Variants in LDHC observed in about 807,000 individuals in gnomAD.
The protein encoded by LDHC is L-lactate dehydrogenase C chain.
LDHC carries 20 observed loss-of-function variants against 30.2 expected under a neutral mutation model. The observed-to-expected ratio is 0.66, with a 90% CI of 0.47 to 0.96. LDHC has a LOEUF of 0.96. Among genes scored for constraint, LDHC ranks in the 40% least tolerant of loss-of-function variants. The pLI is 0.00. For synonymous variants in LDHC, 139 were observed against 132.7 expected (o/e 1.05, Z -0.32); for missense variants, 362 against 394.9 (o/e 0.92, Z 0.71).
intron 7 of LDHC, 85 bp from the exon 8 acceptor site, chr11:18,450,878 C>T: frequency 1.0e-6 from 1 of 999,414 alleles, no homozygotes; most frequent in Non-Finnish European, 1.5e-6. Flanking sequence ...TTTAGTCTCT[C>T]CTGTATACTC....
chr11:18,419,430 G>A (rs1867080166), intron 3 of LDHC, among the ~76,000 whole-genome samples: 1 of 152,144 alleles, frequency 6.6e-6, no homozygotes, highest in Non-Finnish European at 1.5e-5. Flanking sequence ...ACTTTAGTGG[G>A]GGAATATACC....
chr11:18,415,820 ATAGC>A (rs1426722336), intron 3 of LDHC, among the ~76,000 whole-genome samples: 1 of 150,524 alleles, frequency 6.6e-6, no homozygotes, highest in Non-Finnish European at 1.5e-5. Flanking sequence ...AGTCTCCTGA[ATAGC>A]TGGGATTACA....
At chr11:18,433,491 G>C (rs908155143) in intron 4 of LDHC, among the ~76,000 whole-genome samples, 2 of 152,054 alleles carry the variant, frequency 1.3e-5, no homozygotes, top group Non-Finnish European at 2.9e-5. Flanking sequence ...GTGGTGGCTT[G>C]GTAATGGCAA....
chr11:18,420,674 A>T (rs1486204163), intron 3 of LDHC, among the ~76,000 whole-genome samples: 1 of 150,622 alleles, frequency 6.6e-6, no homozygotes, highest in African/African-American at 2.4e-5. Flanking sequence ...AAGGAGAGTG[A>T]ATGAAGGTGT....
At position 18,439,315 on chromosome 11, in the gene LDHC, C is replaced by A. The variant is rs186572892; in HGVS notation, c.710+670C>A. Among the ~76,000 whole-genome samples, 19 of 152,034 alleles carry A rather than the reference C, an allele frequency of 1.2e-4. No individual in the cohort carries two copies. The South Asian group carries it at 4.0e-3, about 32-fold the overall frequency. On this transcript the variant is annotated intron_variant, in intron 6 of 7. Transcript: ENST00000541669. The stretch of plus-strand genomic sequence containing the variant: ...GGGTGGCTCACGCCTGTAATTCCAG[C>A]GCTTTGGGAGGCCAAGGCGGGTGGA...
chr11:18,444,647 T>TATGC (rs1484876219), intron 6 of LDHC, among the ~76,000 whole-genome samples: 1 of 131,304 alleles, frequency 7.6e-6, no homozygotes, highest in Non-Finnish European at 1.6e-5. Flanking sequence ...TATATATATA[T>TATGC]ATGCCTTATC....
At chr11:18,420,415 G>C (rs1867099326) in intron 3 of LDHC, among the ~76,000 whole-genome samples, 1 of 152,080 alleles carries the variant, frequency 6.6e-6, no homozygotes, top group Non-Finnish European at 1.5e-5. Flanking sequence ...AATTGTCAGA[G>C]AGAACATAAA....
chr11:18,420,498 C>T (rs922085293), intron 3 of LDHC, among the ~76,000 whole-genome samples: 2 of 151,764 alleles, frequency 1.3e-5, no homozygotes, highest in Admixed American at 1.3e-4. Context: ...TTTTAATGTG[C>T]TGAGGGAGGA....
Position 18,415,269 on chromosome 11 carries a change from T to G in LDHC, c.212T>G (p.Phe71Cys), listed in dbSNP as rs1404637151. 11 of 1,591,954 alleles carry G rather than the reference T, an allele frequency of 6.9e-6. No individual in the cohort carries two copies. The highest frequency in any genetic ancestry group is 2.7e-5 in the African/African-American group (2 of 74,508). Residue 71 changes from phenylalanine (F) to cysteine (C), a missense_variant, in exon 3 of 8, where the codon TTC (phenylalanine) becomes TGC (cysteine). Transcript: ENST00000541669. ...EMMDLQHGSL[F>C]FSTSKITSGK... is the part of the protein sequence containing the mutation. ...ATGGATCTTCAGCATGGCAGTCTTT[T>G]CTTTAGTACTTCAAAGATTACTTCT... is the stretch of plus-strand genomic sequence containing the variant.
intron 4 of LDHC, among the ~76,000 whole-genome samples, chr11:18,430,884 T>C (rs568895173): frequency 2.0e-5 from 3 of 152,160 alleles, no homozygotes; most frequent in African/African-American, 7.2e-5. Flanking sequence ...ACCAAACAGG[T>C]TGGGCATTGT....
At chr11:18,424,727 G>T (rs975379908) in intron 3 of LDHC, among the ~76,000 whole-genome samples, 1 of 152,204 alleles carries the variant, frequency 6.6e-6, no homozygotes, top group Admixed American at 6.5e-5. Context: ...ACTATGTAAT[G>T]CTGGGCATGG....
rs149696484 is a variant in LDHC at position 18,436,132 on chromosome 11, C to A, written c.592+1219C>A. 9.7e-3 allele frequency among the ~76,000 whole-genome samples: 1,476 copies of A among 152,272 alleles called. 27 individuals carry two copies. The highest frequency in any genetic ancestry group is 0.034 in the African/African-American group (1,430 of 41,556). ...TATTTGATTTGGACAAATATTTCTT[C>A]AGCCAGAGCCTTACTTTGACCCTGT... On this transcript the variant is annotated intron_variant, in intron 5 of 7. Coordinates refer to ENST00000541669, the MANE Select transcript of LDHC (RefSeq NM_017448.5).
intron 6 of LDHC, among the ~76,000 whole-genome samples, chr11:18,441,391 C>G (rs1848462730): frequency 6.6e-6 from 1 of 151,716 alleles, no homozygotes; most frequent in Non-Finnish European, 1.5e-5. Flanking sequence ...GGTCTCTGCA[C>G]TCCGCCTCCC....
chr11:18,448,943 C>G, intron 7 of LDHC, among the ~76,000 whole-genome samples: 1 of 152,060 alleles, frequency 6.6e-6, no homozygotes, highest in Non-Finnish European at 1.5e-5. Context: ...AGGCTTGGTC[C>G]CAGGATTCAG....
chr11:18,415,280 T>A lies in LDHC; in HGVS notation c.223T>A (p.Ser75Thr), dbSNP rs781433212. Residue 75 changes from serine to threonine, a missense_variant, in exon 3 of 8, where the codon TCA (serine) becomes ACA (threonine). Coordinates refer to ENST00000541669, the MANE Select transcript of LDHC (RefSeq NM_017448.5). ...LQHGSLFFSTSKITSGKDYSV... is the reference protein window; with the variant it reads ...LQHGSLFFSTTKITSGKDYSV... ...GCATGGCAGTCTTTTCTTTAGTACT[T>A]CAAAGATTACTTCTGGAAAAGGTTA... The A allele has an allele frequency of 3.2e-6, 5 of 1,564,892 alleles. No homozygotes were observed. In the Admixed American group the frequency reaches 8.4e-5, roughly 26 times the overall value.
chr11:18,434,900 T>C lies in LDHC; in HGVS notation c.579T>C (p.His193=), dbSNP rs745495410. 1.9e-6 allele frequency: 3 copies of C among 1,611,174 alleles called. No individual in the cohort carries two copies. Among genetic ancestry groups the C allele is most frequent in the Non-Finnish European group, 2.5e-6 (3 of 1,177,360 alleles). ...TSCHGWIIGE[H]GDSSVPLWSG... ...GCCATGGTTGGATTATTGGAGAACA[T>C]GGTGATTCTAGTGGTAAGTATAAAT... Residue 193 remains histidine (H), a synonymous_variant, in exon 5 of 8, where the codon CAT becomes CAC. Coordinates refer to ENST00000541669, the MANE Select transcript of LDHC (RefSeq NM_017448.5).
At chr11:18,439,311 C>A (rs1848413661) in intron 6 of LDHC, among the ~76,000 whole-genome samples, 2 of 152,096 alleles carry the variant, frequency 1.3e-5, no homozygotes, top group Admixed American at 1.3e-4. Flanking sequence ...GCCTGTAATT[C>A]CAGCGCTTTG....
At position 18,429,927 on chromosome 11, in the gene LDHC, C is replaced by A; in HGVS notation, c.418+17C>A. ...CAAATCCAGGTGAGTCTTCTCTCTTCCATTCTATTGCATAAGGATGATCTT... is the reference window on the plus strand; with the variant it reads ...CAAATCCAGGTGAGTCTTCTCTCTTACATTCTATTGCATAAGGATGATCTT... On this transcript the variant is annotated intron_variant, in intron 4 of 7. Transcript: ENST00000541669. 1 of 1,506,132 alleles carries A rather than the reference C, an allele frequency of 6.6e-7. No individual in the cohort carries two copies. Among genetic ancestry groups the A allele is most frequent in the Non-Finnish European group, 9.2e-7 (1 of 1,085,550 alleles). 93.3% of individuals were successfully genotyped at this position (1,506,132 alleles called of 1,614,324 possible).
intron 7 of LDHC, among the ~76,000 whole-genome samples, chr11:18,448,928 G>C (rs1257466098): frequency 1.3e-5 from 2 of 152,068 alleles, no homozygotes; most frequent in East Asian, 3.9e-4. Context: ...TTAGCACACA[G>C]GGCCAGGCTT....
Sources: gnomAD v4.1 joint callset for allele counts (sites outside exome capture counted in the v4.1 genomes callset) on GRCh38, gnomAD v4.1.1 for gene constraint, MANE v1.5 for transcripts, NCBI Gene and HGNC (gene_info 2026-07-23, HGNC 2026-07-21) for gene names.